Variants in ZBTB20 observed in about 807,000 individuals in gnomAD.
ZBTB20 encodes zinc finger and BTB domain containing 20, also known as zinc finger and BTB domain-containing protein 20.
In ZBTB20, 9 loss-of-function variants were observed where a neutral mutation model predicts 56.9. The observed-to-expected ratio is 0.16, with a 90% CI of 0.10 to 0.28. ZBTB20 has a LOEUF of 0.28. Ranked by LOEUF, ZBTB20 falls within the 10% of genes least tolerant of loss-of-function variation. The probability of loss-of-function intolerance (pLI) is 1.00; values close to 1 mark genes in which losing one functional copy is unlikely to be tolerated. For synonymous variants in ZBTB20, 417 were observed against 420.7 expected (o/e 0.99, Z 0.11); for missense variants, 655 against 1,003.0 (o/e 0.65, Z 4.69).
intron 2 of ZBTB20, among the ~76,000 whole-genome samples, chr3:115,028,970 C>T (rs1346252001): frequency 6.7e-6 from 1 of 150,152 alleles, no homozygotes; most frequent in East Asian, 1.9e-4. Context: ...GCAATACCAC[C>T]TAACATGAAC....
At chr3:114,790,484 T>A (rs2070869771) in intron 5 of ZBTB20, among the ~76,000 whole-genome samples, 1 of 152,200 alleles carries the variant, frequency 6.6e-6, no homozygotes, top group Non-Finnish European at 1.5e-5. Context: ...CAGCTATAGA[T>A]ATAATTCATT....
At chr3:115,022,050 C>T (rs901055785) in intron 2 of ZBTB20, among the ~76,000 whole-genome samples, 6 of 150,542 alleles carry the variant, frequency 4.0e-5, no homozygotes, top group Admixed American at 6.7e-5. Context: ...AAAGTTGAGA[C>T]ATTTGTTCAA....
In ZBTB20 at chr3:114,788,693, T is replaced by C. The variant is rs1248446354; in HGVS notation, c.-343+12408A>G. 2.0e-5 allele frequency among the ~76,000 whole-genome samples: 3 copies of C among 152,140 alleles called. No homozygotes were observed. The East Asian group carries it at 5.8e-4, about 29-fold the overall frequency. On this transcript the variant is annotated intron_variant, in intron 5 of 11. Coordinates refer to ENST00000675478, the MANE Select transcript of ZBTB20 (RefSeq NM_001348800.3). ...GACACTCTTTAGGAATATAGGACAT[T>C]TCATTTACAATAGTTAGGTTTAAAC...
chr3:114,946,702 A>G (rs765034865), intron 3 of ZBTB20, among the ~76,000 whole-genome samples: 2 of 145,826 alleles, frequency 1.4e-5, no homozygotes, highest in Non-Finnish European at 3.0e-5. Context: ...CGTCTTTTAA[A>G]AGACATGAAT....
intron 7 of ZBTB20, among the ~76,000 whole-genome samples, chr3:114,402,656 A>G (rs2086925926): frequency 6.6e-6 from 1 of 152,134 alleles, no homozygotes; most frequent in South Asian, 2.1e-4. Flanking sequence ...TTGGGACTAG[A>G]TTCTTCTGCT....
chr3:114,511,041 G>A (rs1207476766), intron 6 of ZBTB20, among the ~76,000 whole-genome samples: 1 of 150,364 alleles, frequency 6.7e-6, no homozygotes, highest in African/African-American at 2.4e-5. Context: ...TGATTTAATG[G>A]AATCAGCTTG....
At chr3:114,677,020 C>T (rs995468693) in intron 6 of ZBTB20, among the ~76,000 whole-genome samples, 2 of 152,016 alleles carry the variant, frequency 1.3e-5, no homozygotes, top group Admixed American at 1.3e-4. Flanking sequence ...TGATGCCTGC[C>T]TCGGCCTCCC....
chr3:114,756,306 C>T (rs2068008168), intron 5 of ZBTB20, among the ~76,000 whole-genome samples: 1 of 152,076 alleles, frequency 6.6e-6, no homozygotes, highest in African/African-American at 2.4e-5. Context: ...TGCAGCACTT[C>T]CATTTAGGGA....
rs147919437 is a variant in ZBTB20 at position 114,791,109 on chromosome 3, A to G, written c.-343+9992T>C. Among the ~76,000 whole-genome samples, 88 of 152,264 alleles carry G rather than the reference A, an allele frequency of 5.8e-4. 1 individual carries two copies. The Middle Eastern group carries it at 0.01, about 18-fold the overall frequency. ...TTTAATGCTTCACATATATCATTTG[A>G]CTTTTCTGCATGTGTCATTAAGATA... is the stretch of plus-strand genomic sequence containing the variant. On this transcript the variant is annotated intron_variant, in intron 5 of 11. Transcript: ENST00000675478.
At chr3:114,417,343 T>C (rs1037771647) in intron 7 of ZBTB20, among the ~76,000 whole-genome samples, 2 of 152,112 alleles carry the variant, frequency 1.3e-5, no homozygotes, top group Non-Finnish European at 2.9e-5. Context: ...ACAGGTGACA[T>C]AAATTTCAAA....
chr3:114,350,238 C>A, intron 11 of ZBTB20, 36 bp downstream of exon 11: 2 of 1,562,868 alleles, frequency 1.3e-6, no homozygotes, highest in Non-Finnish European at 1.7e-6. Context: ...CCCCCTCAGC[C>A]CCTGCTGCCA....
At chr3:114,855,692 T>C (rs2075219512) in intron 4 of ZBTB20, among the ~76,000 whole-genome samples, 1 of 152,186 alleles carries the variant, frequency 6.6e-6, no homozygotes, top group South Asian at 2.1e-4. Flanking sequence ...TCTCCTCATC[T>C]GAGGCTTCCT....
rs529540692 is a variant in ZBTB20, at chr3:114,527,069, G to A, written c.-294-26678C>T. ...CTGATTGAAGCTGCTCTATGAAAAC[G>A]GCAGCATATCTAACCAGGGAGGTGG... On this transcript the variant is annotated intron_variant, in intron 6 of 11. Coordinates refer to ENST00000675478, the MANE Select transcript of ZBTB20 (RefSeq NM_001348800.3). 1.4e-4 allele frequency among the ~76,000 whole-genome samples: 22 copies of A among 152,148 alleles called. No individual in the cohort carries two copies. The South Asian group carries it at 4.6e-3, about 32-fold the overall frequency.
intron 5 of ZBTB20, among the ~76,000 whole-genome samples, chr3:114,769,865 C>T (rs772745345): frequency 1.6e-4 from 25 of 151,886 alleles, no homozygotes; most frequent in Non-Finnish European, 3.2e-4. Flanking sequence ...TTGAGACCAG[C>T]CTGGCCCACA....
chr3:114,809,646 C>T lies in ZBTB20; in HGVS notation c.-416-8472G>A, dbSNP rs62264970. ...AATAGTGCTTTCAACTCTTTGTTTGCTAAGTTTAACATCTGCTATCTCCAC... is the reference window on the plus strand; with the variant it reads ...AATAGTGCTTTCAACTCTTTGTTTGTTAAGTTTAACATCTGCTATCTCCAC... On this transcript the variant is annotated intron_variant, in intron 4 of 11. Coordinates refer to ENST00000675478, the MANE Select transcript of ZBTB20 (RefSeq NM_001348800.3). Among the ~76,000 whole-genome samples, 798 of 152,088 alleles carry T rather than the reference C, an allele frequency of 5.2e-3. 5 individuals are homozygous for T. Among genetic ancestry groups the T allele is most frequent in the Non-Finnish European group, 7.0e-3 (477 of 67,976 alleles).
chr3:114,938,409 T>G (rs1465197833), intron 3 of ZBTB20, among the ~76,000 whole-genome samples: 1 of 146,244 alleles, frequency 6.8e-6, no homozygotes, highest in Non-Finnish European at 1.5e-5. Flanking sequence ...GTTTTAGGTC[T>G]TACGTCTAAG....
chr3:114,684,654 A>G (rs2062211453), intron 6 of ZBTB20: 2 of 152,236 alleles, frequency 1.3e-5, no homozygotes, highest in South Asian at 4.1e-4. Flanking sequence ...AAGCTGTGAA[A>G]GAGTTTTCTG....
At chr3:114,729,787 AT>A (rs1214909500) in intron 5 of ZBTB20, among the ~76,000 whole-genome samples, 1 of 151,898 alleles carries the variant, frequency 6.6e-6, no homozygotes, top group East Asian at 1.9e-4. Flanking sequence ...TTGATGCTAT[AT>A]GTAGGATTTT....
chr3:115,125,214 G>A (rs950865586), intron 1 of ZBTB20, among the ~76,000 whole-genome samples: 2 of 151,950 alleles, frequency 1.3e-5, no homozygotes, highest in African/African-American at 4.8e-5. Context: ...ATGGTGGCAT[G>A]CGCCTGTAGT....
Sources: allele counts gnomAD v4.1 joint callset (sites outside exome capture counted in the v4.1 genomes callset), GRCh38; gene constraint gnomAD v4.1.1; transcripts MANE v1.5; gene names NCBI Gene and HGNC (gene_info 2026-07-23, HGNC 2026-07-21).